KLF12: variants seen among roughly 807,000 people sequenced by gnomAD.
KLF12 encodes the protein Krueppel-like factor 12.
KLF12 carries 9 observed loss-of-function variants against 37.8 expected under a neutral mutation model. The ratio of observed to expected loss-of-function variants is 0.24; its 90% confidence interval spans 0.14 to 0.42. The LOEUF (loss-of-function observed/expected upper bound fraction) is 0.42. KLF12 is among the 10% of genes least tolerant of loss of function. The probability of loss-of-function intolerance (pLI) is 1.00; values close to 1 mark genes in which losing one functional copy is unlikely to be tolerated. For missense variants in KLF12, 411 were observed against 516.0 expected, an observed-to-expected ratio of 0.80 and a Z score of 1.97; for synonymous variants, 208 against 202.1, an observed-to-expected ratio of 1.03 and a Z score of -0.25.
At chr13:73,947,100 T>C (rs981259549) in intron 2 of KLF12, among the ~76,000 whole-genome samples, 6 of 152,248 alleles carry the variant, frequency 3.9e-5, no homozygotes, top group South Asian at 2.1e-4. Flanking sequence ...GTGGAATCAA[T>C]AGCTCAACTG....
Position 73,805,481 on chromosome 13 carries a change from A to G in KLF12, c.806+7671T>C, listed in dbSNP as rs75141873. Reference sequence around the variant, plus strand: ...AAATATACAAAAATTAGCTGGCCTCACGGCACACACTTGTAGTCTCAGCTA... The same window carrying G: ...AAATATACAAAAATTAGCTGGCCTCGCGGCACACACTTGTAGTCTCAGCTA... On this transcript the variant is annotated intron_variant, in intron 5 of 7. Transcript: ENST00000377669. Among the ~76,000 whole-genome samples, 285 of 151,884 alleles carry G rather than the reference A, an allele frequency of 1.9e-3. 4 individuals are homozygous for G. The highest frequency in any genetic ancestry group is 6.4e-3 in the African/African-American group (265 of 41,424).
Position 73,715,481 on chromosome 13 carries a change from C to T in KLF12, c.914G>A (p.Arg305Gln), listed in dbSNP as rs777273071. ...TTTTCTGGAGTCTGGGGATTCAGAC[C>T]GTCTCTGGCGTCTTGTGCTCTCAAT... The change falls in exon 7 of 8, where the codon CGG becomes CAG. Residue 305 changes from arginine to glutamine, a missense_variant. This residue lies in a region of KLF12 where 351 missense variants were observed against 397.8 expected (regional missense o/e 0.88). Coordinates refer to ENST00000377669, the MANE Select transcript of KLF12 (RefSeq NM_007249.5). 8.7e-6 allele frequency: 14 copies of T among 1,613,816 alleles called. No individual in the cohort carries two copies. Among genetic ancestry groups the T allele is most frequent in the Admixed American group, 5.0e-5 (3 of 59,972 alleles).
At chr13:73,907,072 T>C (rs375017331) in intron 3 of KLF12, among the ~76,000 whole-genome samples, 2 of 152,212 alleles carry the variant, frequency 1.3e-5, no homozygotes, top group Non-Finnish European at 2.9e-5. Flanking sequence ...TTTCCACTAC[T>C]TAATCCCTGC....
chr13:74,250,304 A>T, the KLF12 span, among the ~76,000 whole-genome samples: 1 of 152,174 alleles, frequency 6.6e-6, no homozygotes. Flanking sequence ...TTTAGTTGGT[A>T]AAAAATGTTG....
the KLF12 span, among the ~76,000 whole-genome samples, chr13:74,228,269 A>G: frequency 1.3e-5 from 2 of 152,150 alleles, no homozygotes; most frequent in Admixed American, 1.3e-4. Flanking sequence ...TATATAGTAG[A>G]AACAATTCAA....
At chr13:74,197,615 C>T in the KLF12 span, among the ~76,000 whole-genome samples, 2 of 152,242 alleles carry the variant, frequency 1.3e-5, no homozygotes, top group South Asian at 4.2e-4. Flanking sequence ...GGGAACTCTT[C>T]CTGTCTTCTG....
At position 73,805,634 on chromosome 13, in the gene KLF12, GAGGGAGGGAGGGAGGGAGGA is replaced by G. The variant is rs1295853872; in HGVS notation, c.806+7498_806+7517del. On this transcript the variant is annotated intron_variant, in intron 5 of 7. Transcript: ENST00000377669. ...GAAGGGAGGGAGGGAGGGAGGGAGG[GAGGGAGGGAGGGAGGGAGGA>G]AGGAAGGAAGGAAGGAAGGAAGGAA... Among the ~76,000 whole-genome samples, 211 of 47,904 alleles carry G rather than the reference GAGGGAGGGAGGGAGGGAGGA, an allele frequency of 4.4e-3. 3 individuals carry two copies. The highest frequency in any genetic ancestry group is 5.9e-3 in the African/African-American group (63 of 10,744). The allele number at this position is 47,904 out of a possible 152,430, so 31.4% of individuals were successfully genotyped here.
intron 1 of KLF12, among the ~76,000 whole-genome samples, chr13:74,007,032 C>A (rs1277745648): frequency 6.6e-6 from 1 of 152,078 alleles, no homozygotes; most frequent in African/African-American, 2.4e-5. Flanking sequence ...AAGGGGTTTC[C>A]TCCTCTTCCT....
chr13:74,064,404 A>ATGTT (rs1873788066), intron 1 of KLF12, among the ~76,000 whole-genome samples: 1 of 18,068 alleles, frequency 5.5e-5, no homozygotes, highest in Non-Finnish European at 1.2e-3. Context: ...CACTCACTCA[A>ATGTT]TATTAAGTAT....
chr13:74,197,259 G>C, the KLF12 span, among the ~76,000 whole-genome samples: 1 of 152,052 alleles, frequency 6.6e-6, no homozygotes, highest in Non-Finnish European at 1.5e-5. Flanking sequence ...TGGTTATTTT[G>C]AATTCTGTAA....
chr13:73,811,933 T>C (rs1882962436), intron 5 of KLF12, among the ~76,000 whole-genome samples: 1 of 152,206 alleles, frequency 6.6e-6, no homozygotes. Context: ...CTCTTTTCTT[T>C]GTTTTTTAAT....
At chr13:73,962,159 A>G (rs1408883276) in intron 2 of KLF12, 1 of 347,006 alleles carries the variant, frequency 2.9e-6, no homozygotes, top group Non-Finnish European at 5.5e-6. Context: ...ATTAGTTATC[A>G]AGCCATGAAA....
intron 1 of KLF12, among the ~76,000 whole-genome samples, chr13:74,036,042 G>A (rs1002668680): frequency 5.3e-5 from 8 of 152,062 alleles, no homozygotes; most frequent in Admixed American, 3.9e-4. Context: ...AGCCAGCCAC[G>A]GCCACATCCC....
intron 3 of KLF12, among the ~76,000 whole-genome samples, chr13:73,895,865 G>A (rs1043366733): frequency 6.7e-6 from 1 of 149,938 alleles, no homozygotes; most frequent in Non-Finnish European, 1.5e-5. Context: ...CTGTCACACA[G>A]GCTGGAGTGC....
chr13:73,884,046 T>C (rs886298293), intron 3 of KLF12, among the ~76,000 whole-genome samples: 1 of 152,180 alleles, frequency 6.6e-6, no homozygotes, highest in African/African-American at 2.4e-5. Flanking sequence ...GACCACTATG[T>C]GAAAACTTTA....
the KLF12 span, among the ~76,000 whole-genome samples, chr13:74,222,242 A>G: frequency 6.6e-6 from 1 of 152,338 alleles, no homozygotes; most frequent in African/African-American, 2.4e-5. Context: ...CTATACTTCA[A>G]CCAAGTTCTG....
At chr13:74,274,657 TG>T in the KLF12 span, among the ~76,000 whole-genome samples, 2,101 of 152,134 alleles carry the variant, frequency 0.014, 28 homozygotes, top group South Asian at 0.033. Context: ...TTTGCTAGTT[TG>T]GCGGCTCATT....
At chr13:73,956,394 G>A (rs919204101) in intron 2 of KLF12, among the ~76,000 whole-genome samples, 1 of 152,142 alleles carries the variant, frequency 6.6e-6, no homozygotes, top group Admixed American at 6.5e-5. Flanking sequence ...CTTGACATCT[G>A]CACTACAGAC....
intron 4 of KLF12, among the ~76,000 whole-genome samples, chr13:73,840,431 A>C (rs1204966590): frequency 6.6e-6 from 1 of 151,678 alleles, no homozygotes; most frequent in Non-Finnish European, 1.5e-5. Flanking sequence ...CGCCCACCCA[A>C]CTCCCATCTC....
Sources: gnomAD v4.1 joint callset for allele counts (sites outside exome capture counted in the v4.1 genomes callset) on GRCh38, gnomAD v4.1.1 for gene constraint, gnomAD v4.1.1 regional missense constraint, MANE v1.5 for transcripts, NCBI Gene and HGNC (gene_info 2026-07-23, HGNC 2026-07-21) for gene names.